Variants in C14orf39 observed in about 807,000 individuals in gnomAD.
The protein encoded by C14orf39 is chromosome 14 open reading frame 39.
In C14orf39, 66 loss-of-function variants were observed where a neutral mutation model predicts 85.6. The observed-to-expected ratio is 0.77, with a 90% CI of 0.63 to 0.95. The LOEUF is 0.95. Among genes scored for constraint, C14orf39 ranks in the 40% least tolerant of loss-of-function variants. C14orf39 has a pLI of 0.00. For synonymous variants in C14orf39, 242 were observed against 214.0 expected (o/e 1.13, Z -1.14); for missense variants, 735 against 663.9 (o/e 1.11, Z -1.18).
At chr14:60,480,116 G>C (rs893963084) in intron 4 of C14orf39, among the ~76,000 whole-genome samples, 1 of 152,076 alleles carries the variant, frequency 6.6e-6, no homozygotes, top group African/African-American at 2.4e-5. Context: ...CTGTTAGAAT[G>C]GCTGTTATCA....
At chr14:60,508,960 A>G in intron 1 of C14orf39, 1 of 186,092 alleles carries the variant, frequency 5.4e-6, no homozygotes, top group South Asian at 1.1e-4. Context: ...AGACACTCGC[A>G]TGTCTTTTCA....
At chr14:60,502,123 A>G (rs963451167) in intron 1 of C14orf39, among the ~76,000 whole-genome samples, 3 of 152,210 alleles carry the variant, frequency 2.0e-5, no homozygotes, top group Admixed American at 6.5e-5. Flanking sequence ...GCCCTAAAAT[A>G]CCATTATAGT....
At chr14:60,476,143 T>C (rs1447999202) in intron 5 of C14orf39, among the ~76,000 whole-genome samples, 1 of 152,204 alleles carries the variant, frequency 6.6e-6, no homozygotes, top group Non-Finnish European at 1.5e-5. Flanking sequence ...TAAACGCATA[T>C]TTGCTAATTA....
chr14:60,442,439 ATT>A (rs962550638), intron 16 of C14orf39, among the ~76,000 whole-genome samples: 1 of 151,778 alleles, frequency 6.6e-6, no homozygotes, highest in African/African-American at 2.4e-5. Context: ...GGTTGTTGGT[ATT>A]TTTTTTGCCT....
At chr14:60,469,269 T>G (rs1484105198) in intron 8 of C14orf39, among the ~76,000 whole-genome samples, 1 of 149,266 alleles carries the variant, frequency 6.7e-6, no homozygotes, top group Non-Finnish European at 1.5e-5. Context: ...AGCTAAACTA[T>G]TCCCCAAAAT....
At chr14:60,479,622 C>A (rs532204325) in intron 4 of C14orf39, among the ~76,000 whole-genome samples, 1 of 152,280 alleles carries the variant, frequency 6.6e-6, no homozygotes, top group African/African-American at 2.4e-5. Context: ...TGATGTACAT[C>A]CTTCTAGACT....
intron 2 of C14orf39, among the ~76,000 whole-genome samples, chr14:60,493,321 C>T (rs1893019864): frequency 6.6e-6 from 1 of 152,088 alleles, no homozygotes; most frequent in Admixed American, 6.5e-5. Context: ...AAGATAGGTA[C>T]ATGGTTAGCT....
intron 17 of C14orf39, among the ~76,000 whole-genome samples, chr14:60,441,264 A>C (rs1352499435): frequency 1.3e-5 from 2 of 152,186 alleles, no homozygotes; most frequent in Non-Finnish European, 2.9e-5. Context: ...GTGAAATTGA[A>C]GTTACAGCTC....
chr14:60,454,729 A>C (rs555681483), intron 16 of C14orf39, among the ~76,000 whole-genome samples: 2 of 152,020 alleles, frequency 1.3e-5, no homozygotes, highest in African/African-American at 4.8e-5. Context: ...CACATTAACT[A>C]TAAAGTCAAA....
intron 1 of C14orf39, among the ~76,000 whole-genome samples, chr14:60,513,277 T>A (rs1480330646): frequency 6.6e-6 from 1 of 152,216 alleles, no homozygotes. Context: ...CTGTGGGTCC[T>A]GAAAGGCTCC....
chr14:60,468,303 A>T, intron 9 of C14orf39, 142 bp downstream of exon 9: 1 of 450,812 alleles, frequency 2.2e-6, no homozygotes. Flanking sequence ...TATTTTTCAT[A>T]AGAAATTAAT....
Position 60,451,171 on chromosome 14 carries a change from T to C in C14orf39, c.1503+3830A>G, listed in dbSNP as rs1434297405. Among the ~76,000 whole-genome samples the C allele has an allele frequency of 2.6e-5, 4 of 151,990 alleles. No homozygotes were observed. The South Asian group carries it at 8.3e-4, about 31-fold the overall frequency. On this transcript the variant is annotated intron_variant, in intron 16 of 17. Coordinates refer to ENST00000321731, the MANE Select transcript of C14orf39 (RefSeq NM_174978.3). ...CTAACACCAGTCAGAAAGGCAATCA[T>C]TAAAAAATCAGGAAACAACAGGTGC...
At chr14:60,498,848 T>C (rs1445284419) in intron 2 of C14orf39, among the ~76,000 whole-genome samples, 1 of 152,208 alleles carries the variant, frequency 6.6e-6, no homozygotes, top group Non-Finnish European at 1.5e-5. Flanking sequence ...ATTTATGTAA[T>C]ACAATTCTGT....
At chr14:60,513,724 C>T (rs1215474687) in intron 1 of C14orf39, among the ~76,000 whole-genome samples, 1 of 152,150 alleles carries the variant, frequency 6.6e-6, no homozygotes, top group Non-Finnish European at 1.5e-5. Flanking sequence ...CAAATGATAC[C>T]TAAAAGCAGA....
Position 60,436,884 on chromosome 14 carries a change from T to C in C14orf39, c.1725A>G (p.Ser575=). 1 of 1,612,024 alleles carries C rather than the reference T, an allele frequency of 6.2e-7. No homozygotes were observed. Among genetic ancestry groups the C allele is most frequent in the Non-Finnish European group, 8.5e-7 (1 of 1,178,728 alleles). ...ACTGTGTTGTATTTTGTGAGGAAGA[T>C]GAAAAACCTTTTAAAGAAGAAGAAG... ...SIPSSSLKGF[S]SSSQNTTQFT... is the part of the protein sequence containing the mutation. Residue 575 remains serine (S), a synonymous_variant, in exon 18 of 18, where the codon TCA becomes TCG. Coordinates refer to ENST00000321731, the MANE Select transcript of C14orf39 (RefSeq NM_174978.3).
chr14:60,470,115 A>G (rs1205812433), intron 7 of C14orf39, among the ~76,000 whole-genome samples: 1 of 151,752 alleles, frequency 6.6e-6, no homozygotes, highest in Non-Finnish European at 1.5e-5. Context: ...AAAATCGACC[A>G]AATTTCCCTT....
intron 14 of C14orf39, among the ~76,000 whole-genome samples, chr14:60,457,970 T>C (rs1055914835): frequency 2.7e-4 from 41 of 152,058 alleles, no homozygotes; most frequent in African/African-American, 9.6e-4. Flanking sequence ...TTTTTGTATA[T>C]GTTTTTTTAA....
intron 5 of C14orf39, among the ~76,000 whole-genome samples, chr14:60,476,125 T>A (rs191300261): frequency 8.1e-4 from 124 of 152,360 alleles, no homozygotes; most frequent in Non-Finnish European, 1.6e-3. Flanking sequence ...AACAAGCTCC[T>A]ATTCCTCTAA....
chr14:60,461,545 T>C lies in C14orf39; in HGVS notation c.1021A>G (p.Thr341Ala). The change falls in exon 12 of 18, where the codon ACG becomes GCG. Residue 341 changes from threonine (T) to alanine (A), a missense_variant. Transcript: ENST00000321731. Reference protein sequence around the residue: ...VDNHSKCSHITTITSSQKFMQ... With the variant: ...VDNHSKCSHIATITSSQKFMQ... ...AACTTTTGTGAACTTGTGATAGTCG[T>C]AATATGTGAACATTTTGAATGGTTA... The C allele has an allele frequency of 6.3e-7, 1 of 1,588,808 alleles. No individual in the cohort carries two copies. The highest frequency in any genetic ancestry group is 8.5e-7 in the Non-Finnish European group (1 of 1,171,070).
Sources: allele counts gnomAD v4.1 joint callset (sites outside exome capture counted in the v4.1 genomes callset), GRCh38; gene constraint gnomAD v4.1.1; transcripts MANE v1.5; gene names NCBI Gene and HGNC (gene_info 2026-07-23, HGNC 2026-07-21).